The following RAB8B variants were observed in gnomAD, a reference collection of about 807,000 sequenced individuals.
RAB8B encodes the protein ras-related protein Rab-8B.
In RAB8B, 11 loss-of-function variants were observed where a neutral mutation model predicts 32.0. The ratio of observed to expected loss-of-function variants is 0.34; its 90% CI spans 0.22 to 0.57. The LOEUF (loss-of-function observed/expected upper bound fraction) is 0.57. Ranked by LOEUF, RAB8B falls within the 20% of genes least tolerant of loss-of-function variation. The pLI, the probability that RAB8B is intolerant of heterozygous loss-of-function variation, is 0.86. For missense variants in RAB8B, 190 were observed against 258.5 expected, an observed-to-expected ratio of 0.73 and a Z score of 1.82; for synonymous variants, 103 against 89.6, an observed-to-expected ratio of 1.15 and a Z score of -0.85.
At chr15:63,257,545 G>A (rs1177078964) in intron 5 of RAB8B, among the ~76,000 whole-genome samples, 2 of 152,074 alleles carry the variant, frequency 1.3e-5, no homozygotes, top group Non-Finnish European at 2.9e-5. Context: ...GGGATTACAG[G>A]TGTGAGGCAC....
intron 1 of RAB8B, among the ~76,000 whole-genome samples, chr15:63,238,531 A>C (rs540861618): frequency 6.6e-6 from 1 of 152,342 alleles, no homozygotes; most frequent in South Asian, 2.1e-4. Flanking sequence ...CATTAAATGT[A>C]ATAACATTCA....
At chr15:63,211,315 C>T (rs1164473894) in intron 1 of RAB8B, among the ~76,000 whole-genome samples, 1 of 152,150 alleles carries the variant, frequency 6.6e-6, no homozygotes, top group Non-Finnish European at 1.5e-5. Context: ...GAAACTACAG[C>T]CAGATTGAGT....
chr15:63,250,060 C>T (rs1238289188), intron 3 of RAB8B, among the ~76,000 whole-genome samples: 2 of 152,140 alleles, frequency 1.3e-5, no homozygotes, highest in Non-Finnish European at 2.9e-5. Flanking sequence ...GGCGTGAACC[C>T]AGGAAGAGGA....
rs778656404 is a variant in RAB8B, at chr15:63,259,384, G to A, written c.415-243G>A. Among the ~76,000 whole-genome samples, 1 of 152,126 alleles carries A rather than the reference G, an allele frequency of 6.6e-6. No homozygotes were observed. The highest frequency in any genetic ancestry group is 2.4e-5 in the African/African-American group (1 of 41,420). ...TCCGTCTGCCTCGGCCTCCCAAAGTGCGTGAGCCACCATGCCCGGCCTTAA... is the reference window on the plus strand; with the variant it reads ...TCCGTCTGCCTCGGCCTCCCAAAGTACGTGAGCCACCATGCCCGGCCTTAA... On this transcript the variant is annotated intron_variant, in intron 5 of 7. Transcript: ENST00000321437. The surrounding 1 kb of genome is among the most constrained non-coding windows in gnomAD (Gnocchi z 4.4).
chr15:63,208,912 AG>A (rs2037722596), intron 1 of RAB8B, among the ~76,000 whole-genome samples: 1 of 94,764 alleles, frequency 1.1e-5, no homozygotes, highest in Non-Finnish European at 2.2e-5. Flanking sequence ...TTTTTTTTTG[AG>A]GGGGAGTCTC....
rs990487336 is a variant in RAB8B, at chr15:63,259,202, C to T, written c.415-425C>T. Among the ~76,000 whole-genome samples the T allele has an allele frequency of 2.0e-5, 3 of 152,122 alleles. No individual in the cohort carries two copies. The highest frequency in any genetic ancestry group is 2.9e-5 in the Non-Finnish European group (2 of 68,024). On this transcript the variant is annotated intron_variant, in intron 5 of 7. Coordinates refer to ENST00000321437, the MANE Select transcript of RAB8B (RefSeq NM_016530.3). This position sits in a 1 kb window ranked among gnomAD's most constrained non-coding sequence, Gnocchi z 4.4. ...TGGTGCGATCTCGGCTTACTCCAAC[C>T]TCTGCCTCCTGGGTTCAAGCAATTC...
chr15:63,242,667 ACT>A (rs2141135030), intron 1 of RAB8B, among the ~76,000 whole-genome samples: 1 of 152,216 alleles, frequency 6.6e-6, no homozygotes, highest in African/African-American at 2.4e-5. Context: ...ACAGAGTGAG[ACT>A]CTGTCTCAAA....
At chr15:63,196,605 A>G (rs2037602068) in intron 1 of RAB8B, among the ~76,000 whole-genome samples, 1 of 152,210 alleles carries the variant, frequency 6.6e-6, no homozygotes, top group Non-Finnish European at 1.5e-5. Flanking sequence ...ATGTCTGCAC[A>G]TTGGATGAAT....
At chr15:63,224,761 C>T (rs1017408892) in intron 1 of RAB8B, among the ~76,000 whole-genome samples, 6 of 152,114 alleles carry the variant, frequency 3.9e-5, no homozygotes, top group Non-Finnish European at 5.9e-5. Flanking sequence ...GAGTTAGGTT[C>T]AACTTTAAGG....
In RAB8B at chr15:63,229,780, C is replaced by CAAAAAAAAAAAAAAAAAAA. The variant is rs56015501; in HGVS notation, c.125-14964_125-14946dup. Among the ~76,000 whole-genome samples the CAAAAAAAAAAAAAAAAAAA allele has an allele frequency of 5.6e-5, 2 of 35,972 alleles. 1 individual carries two copies. Among genetic ancestry groups the CAAAAAAAAAAAAAAAAAAA allele is most frequent in the African/African-American group, 1.8e-4 (2 of 11,164 alleles). The allele number at this position is 35,972 out of a possible 152,430, so 23.6% of individuals were successfully genotyped here. Reference sequence around the variant, plus strand: ...TAGGTGACAGAGCAAGACGCTGTTTCAAAAAAAAAAAAAAAAAAAAAAAAA... The same window carrying CAAAAAAAAAAAAAAAAAAA: ...TAGGTGACAGAGCAAGACGCTGTTTCAAAAAAAAAAAAAAAAAAAAAAAAAAAAAAAAAAAAAAAAAAAA... On this transcript the variant is annotated intron_variant, in intron 1 of 7. Coordinates refer to ENST00000321437, the MANE Select transcript of RAB8B (RefSeq NM_016530.3).
chr15:63,212,799 G>A (rs2037759140), intron 1 of RAB8B, among the ~76,000 whole-genome samples: 1 of 152,198 alleles, frequency 6.6e-6, no homozygotes, highest in Admixed American at 6.5e-5. Context: ...GATCTTGAAA[G>A]GCCCGTCTTT....
chr15:63,223,593 C>T (rs2037863591), intron 1 of RAB8B, among the ~76,000 whole-genome samples: 1 of 152,168 alleles, frequency 6.6e-6, no homozygotes, highest in Non-Finnish European at 1.5e-5. Flanking sequence ...GTGTGTAGTA[C>T]ATGCTATGAT....
At position 63,259,732 on chromosome 15, in the gene RAB8B, C is replaced by G; in HGVS notation, c.480+40C>G. 1 of 1,559,568 alleles carries G rather than the reference C, an allele frequency of 6.4e-7. No individual in the cohort carries two copies. The highest frequency in any genetic ancestry group is 8.8e-7 in the Non-Finnish European group (1 of 1,130,988). On this transcript the variant is annotated intron_variant, in intron 6 of 7. Transcript: ENST00000321437. This position sits in a 1 kb window ranked among gnomAD's most constrained non-coding sequence, Gnocchi z 4.4. Reference sequence around the variant, plus strand: ...TTTGGTGACTGTTACGGAGCAGCACCAGTGCTTAGGGGCCTGTGTTCAAAC... The same window carrying G: ...TTTGGTGACTGTTACGGAGCAGCACGAGTGCTTAGGGGCCTGTGTTCAAAC...
intron 6 of RAB8B, among the ~76,000 whole-genome samples, chr15:63,260,452 C>G (rs1051697815): frequency 1.3e-5 from 2 of 152,180 alleles, no homozygotes; most frequent in Non-Finnish European, 2.9e-5. Context: ...TAAATTGTAA[C>G]AGTGGCATTT....
At chr15:63,260,196 T>C (rs2038191948) in intron 6 of RAB8B, among the ~76,000 whole-genome samples, 1 of 152,244 alleles carries the variant, frequency 6.6e-6, no homozygotes, top group Non-Finnish European at 1.5e-5. Context: ...ACCTGGATTA[T>C]ATTAGCTTGC....
intron 1 of RAB8B, among the ~76,000 whole-genome samples, chr15:63,230,745 G>A (rs2037929821): frequency 6.6e-6 from 1 of 152,052 alleles, no homozygotes; most frequent in South Asian, 2.1e-4. Flanking sequence ...TCCCAGGTGG[G>A]AGTGCAGTGG....
chr15:63,189,862 C>A, intron 1 of RAB8B, 114 bp downstream of exon 1: 4 of 1,147,058 alleles, frequency 3.5e-6, no homozygotes, highest in South Asian at 3.9e-5. Context: ...CCGGGGACTG[C>A]AAGGTGGCGG....
At chr15:63,195,227 C>T (rs1259650886) in intron 1 of RAB8B, among the ~76,000 whole-genome samples, 1 of 151,318 alleles carries the variant, frequency 6.6e-6, no homozygotes, top group Non-Finnish European at 1.5e-5. Context: ...CCCATCTAAG[C>T]AATAGCATTG....
At chr15:63,201,310 G>T (rs982733148) in intron 1 of RAB8B, among the ~76,000 whole-genome samples, 3 of 152,194 alleles carry the variant, frequency 2.0e-5, no homozygotes, top group Non-Finnish European at 4.4e-5. Flanking sequence ...CTCTAGGAGG[G>T]AATTATATCT....
Sources: gnomAD v4.1 joint callset for allele counts (sites outside exome capture counted in the v4.1 genomes callset) on GRCh38, gnomAD v4.1.1 for gene constraint, Gnocchi (gnomAD v3.1) non-coding constraint, MANE v1.5 for transcripts, NCBI Gene and HGNC (gene_info 2026-07-23, HGNC 2026-07-21) for gene names.